The following GALNTL6 variants were observed in gnomAD, a reference collection of about 807,000 sequenced individuals.
GALNTL6 encodes polypeptide N-acetylgalactosaminyltransferase like 6.
Under a neutral mutation model 73.7 loss-of-function variants are expected in GALNTL6, and 46 were observed. That is an observed-to-expected ratio of 0.62 (90% CI 0.49 to 0.80). GALNTL6 has a LOEUF of 0.80. Ranked by LOEUF, GALNTL6 falls within the 30% of genes least tolerant of loss-of-function variation. The pLI, the probability that GALNTL6 is intolerant of heterozygous loss-of-function variation, is 0.00. For missense variants in GALNTL6, 604 were observed against 755.0 expected (o/e 0.80, Z 2.34); for synonymous variants, 259 against 263.7 (o/e 0.98, Z 0.17).
intron 2 of GALNTL6, among the ~76,000 whole-genome samples, chr4:171,969,060 C>A (rs1739482998): frequency 6.6e-6 from 1 of 152,110 alleles, no homozygotes; most frequent in African/African-American, 2.4e-5. Flanking sequence ...TGGTCTCGAA[C>A]TCCTGACCTC....
intron 5 of GALNTL6, among the ~76,000 whole-genome samples, chr4:172,610,319 T>G (rs951178761): frequency 2.0e-5 from 3 of 152,070 alleles, no homozygotes; most frequent in Non-Finnish European, 4.4e-5. Context: ...CTTTCTACCT[T>G]TTTGATATGG....
intron 5 of GALNTL6, among the ~76,000 whole-genome samples, chr4:172,621,702 C>G: frequency 6.6e-6 from 1 of 152,100 alleles, no homozygotes; most frequent in East Asian, 1.9e-4. Flanking sequence ...TTCATTTGCT[C>G]TGACAAATAA....
At chr4:172,196,339 G>A (rs957090306) in intron 2 of GALNTL6, among the ~76,000 whole-genome samples, 5 of 152,112 alleles carry the variant, frequency 3.3e-5, no homozygotes, top group East Asian at 1.9e-4. Flanking sequence ...AGGACCAGAT[G>A]GATTTACAGC....
At chr4:171,846,398 G>A (rs977130399) in intron 2 of GALNTL6, among the ~76,000 whole-genome samples, 1 of 152,048 alleles carries the variant, frequency 6.6e-6, no homozygotes, top group Non-Finnish European at 1.5e-5. Flanking sequence ...GCCATACCAT[G>A]GCCTTACCTA....
At chr4:172,844,731 G>T (rs1218726892) in intron 7 of GALNTL6, among the ~76,000 whole-genome samples, 1 of 152,134 alleles carries the variant, frequency 6.6e-6, no homozygotes, top group Admixed American at 6.5e-5. Context: ...GTGTGACAGT[G>T]TTCTCAGGGT....
intron 2 of GALNTL6, among the ~76,000 whole-genome samples, chr4:171,855,661 A>G (rs1259044121): frequency 1.3e-5 from 2 of 152,160 alleles, no homozygotes; most frequent in African/African-American, 4.8e-5. Flanking sequence ...ATGGTAAGAG[A>G]ATGTGTAGAT....
intron 5 of GALNTL6, among the ~76,000 whole-genome samples, chr4:172,651,387 A>G (rs1353016761): frequency 6.6e-6 from 1 of 152,236 alleles, no homozygotes; most frequent in Non-Finnish European, 1.5e-5. Context: ...GTTTCACAAT[A>G]TTACATAGGA....
intron 5 of GALNTL6, among the ~76,000 whole-genome samples, chr4:172,573,130 C>A (rs1368129776): frequency 6.6e-6 from 1 of 152,260 alleles, no homozygotes; most frequent in South Asian, 2.1e-4. Context: ...GCATCTTTTA[C>A]ATCCAATTCA....
At chr4:172,584,805 T>C (rs1208589508) in intron 5 of GALNTL6, among the ~76,000 whole-genome samples, 2 of 152,164 alleles carry the variant, frequency 1.3e-5, no homozygotes, top group Non-Finnish European at 2.9e-5. Flanking sequence ...GAATAGAGGT[T>C]TGGGAATTCT....
In GALNTL6 at chr4:172,777,860, A is replaced by C. The variant is rs149412974; in HGVS notation, c.554-31501A>C. On this transcript the variant is annotated intron_variant, in intron 5 of 12. Transcript: ENST00000506823. ...TTCAGGCAATGATACCCACACAGGT[A>C]ATTCTTAGGACTGTATACCACATGA... Among the ~76,000 whole-genome samples the C allele has an allele frequency of 2.7e-3, 408 of 152,326 alleles. 3 individuals carry two copies. Among genetic ancestry groups the C allele is most frequent in the African/African-American group, 9.6e-3 (398 of 41,582 alleles).
At chr4:172,843,993 A>T (rs1743356490) in intron 7 of GALNTL6, among the ~76,000 whole-genome samples, 1 of 152,162 alleles carries the variant, frequency 6.6e-6, no homozygotes, top group Non-Finnish European at 1.5e-5. Context: ...CGGAAGGGGG[A>T]TGTTGCAGTG....
At chr4:172,142,999 G>GGATA (rs893239296) in intron 2 of GALNTL6, among the ~76,000 whole-genome samples, 8 of 151,762 alleles carry the variant, frequency 5.3e-5, no homozygotes, top group African/African-American at 1.2e-4. Flanking sequence ...ATGTATGTAT[G>GGATA]GATAGATAGA....
At chr4:172,646,336 G>A (rs920206137) in intron 5 of GALNTL6, among the ~76,000 whole-genome samples, 1 of 151,972 alleles carries the variant, frequency 6.6e-6, no homozygotes, top group Non-Finnish European at 1.5e-5. Context: ...TCCAGTCTAT[G>A]AACATGGTAT....
rs576186812 is a variant in GALNTL6, at chr4:172,526,292, T to G, written c.553+177603T>G. 9.8e-4 allele frequency among the ~76,000 whole-genome samples: 150 copies of G among 152,334 alleles called. 1 individual carries two copies. The highest frequency in any genetic ancestry group is 3.5e-3 in the African/African-American group (145 of 41,584). On this transcript the variant is annotated intron_variant, in intron 5 of 12. Coordinates refer to ENST00000506823, the MANE Select transcript of GALNTL6 (RefSeq NM_001034845.3). Reference sequence around the variant, plus strand: ...TGGTGACCTCACTAAAACCATTGATTGTTTCAGCATCGCTCACTGGAGCTT... The same window carrying G: ...TGGTGACCTCACTAAAACCATTGATGGTTTCAGCATCGCTCACTGGAGCTT...
chr4:172,424,538 T>C (rs968985850), intron 5 of GALNTL6, among the ~76,000 whole-genome samples: 2 of 152,156 alleles, frequency 1.3e-5, no homozygotes, highest in Non-Finnish European at 2.9e-5. Context: ...TTAAATGTAA[T>C]AGAAATGTGT....
At chr4:171,940,976 T>C (rs1738523294) in intron 2 of GALNTL6, among the ~76,000 whole-genome samples, 1 of 151,814 alleles carries the variant, frequency 6.6e-6, no homozygotes, top group Non-Finnish European at 1.5e-5. Context: ...AAATTAGTGA[T>C]TGATGGGAGT....
At chr4:172,645,925 C>G (rs1263758286) in intron 5 of GALNTL6, among the ~76,000 whole-genome samples, 3 of 151,832 alleles carry the variant, frequency 2.0e-5, no homozygotes, top group Admixed American at 6.6e-5. Context: ...TAAGGATATT[C>G]CTTTCTCAGG....
At chr4:173,029,748 T>G (rs747769017) in intron 12 of GALNTL6, among the ~76,000 whole-genome samples, 3 of 152,240 alleles carry the variant, frequency 2.0e-5, no homozygotes, top group Non-Finnish European at 4.4e-5. Context: ...ACAGGTCATC[T>G]TTTACATTAT....
At chr4:172,159,309 A>G (rs1009147402) in intron 2 of GALNTL6, among the ~76,000 whole-genome samples, 2 of 152,210 alleles carry the variant, frequency 1.3e-5, no homozygotes, top group African/African-American at 4.8e-5. Context: ...ATGGTGAGCA[A>G]ATCGGTTATT....
Sources: gnomAD v4.1 joint callset for allele counts (sites outside exome capture counted in the v4.1 genomes callset) on GRCh38, gnomAD v4.1.1 for gene constraint, MANE v1.5 for transcripts, NCBI Gene and HGNC (gene_info 2026-07-23, HGNC 2026-07-21) for gene names.